Variants in TTC4 observed in about 807,000 individuals in gnomAD.
TTC4 encodes the protein tetratricopeptide repeat domain 4.
Under a neutral mutation model 51.9 loss-of-function variants are expected in TTC4, and 36 were observed. The ratio of observed to expected loss-of-function variants is 0.69; its 90% CI spans 0.53 to 0.92. The LOEUF (loss-of-function observed/expected upper bound fraction) is 0.92, where lower values mean the gene tolerates loss of function less well. TTC4 is among the 40% of genes least tolerant of loss of function. The pLI, the probability that TTC4 is intolerant of heterozygous loss-of-function variation, is 0.00. For missense variants in TTC4, 399 were observed against 454.6 expected, an observed-to-expected ratio of 0.88 and a Z score of 1.11; for synonymous variants, 144 against 164.2, an observed-to-expected ratio of 0.88 and a Z score of 0.94.
intron 3 of TTC4, among the ~76,000 whole-genome samples, chr1:54,720,893 C>T (rs1645736244): frequency 6.6e-6 from 1 of 152,064 alleles, no homozygotes; most frequent in African/African-American, 2.4e-5. Flanking sequence ...ATTTGTCTAA[C>T]TTTTAGCAAT....
In TTC4 at chr1:54,727,879, A is replaced by C. The variant is rs150495768; in HGVS notation, c.595-467A>C. Among the ~76,000 whole-genome samples, 375 of 152,342 alleles carry C rather than the reference A, an allele frequency of 2.5e-3. 1 individual carries two copies. The highest frequency in any genetic ancestry group is 8.8e-3 in the African/African-American group (365 of 41,570). ...AAAGACACACAAATGGCCAAAAAGC[A>C]CATGAAAAGATGTTCAACATCATTA... is the stretch of plus-strand genomic sequence containing the variant. On this transcript the variant is annotated intron_variant, in intron 5 of 9. Transcript: ENST00000371281.
chr1:54,720,363 T>C (rs1381628326), intron 3 of TTC4, among the ~76,000 whole-genome samples: 1 of 152,026 alleles, frequency 6.6e-6, no homozygotes, highest in East Asian at 1.9e-4. Flanking sequence ...GTAATAATTA[T>C]AGTATACTCC....
intron 3 of TTC4, among the ~76,000 whole-genome samples, chr1:54,720,162 A>G (rs1174591678): frequency 1.3e-5 from 2 of 152,116 alleles, no homozygotes; most frequent in Admixed American, 6.5e-5. Context: ...TCGGTCTCCC[A>G]TAGTGCTGGG....
Position 54,715,977 on chromosome 1 carries a change from C to T in TTC4, c.69C>T (p.Ser23=), listed in dbSNP as rs144220243. 828 of 1,603,004 alleles carry T rather than the reference C, an allele frequency of 5.2e-4. 26 individuals carry two copies. The East Asian group carries it at 7.1e-3, about 14-fold the overall frequency. ...VMDSFLEKFQ[S]QPYRGGFHED... ...ACTCGTTCCTGGAAAAGTTCCAGAGCCAGCCTTACCGTGGCGGCTTTCATG... is the reference window on the plus strand; with the variant it reads ...ACTCGTTCCTGGAAAAGTTCCAGAGTCAGCCTTACCGTGGCGGCTTTCATG... The change falls in exon 1 of 10, where the codon AGC becomes AGT. Residue 23 remains serine (S), a synonymous_variant. Coordinates refer to ENST00000371281, the MANE Select transcript of TTC4 (RefSeq NM_004623.5).
chr1:54,738,245 C>A (rs1002169926), intron 9 of TTC4, among the ~76,000 whole-genome samples: 15 of 152,118 alleles, frequency 9.9e-5, no homozygotes, highest in African/African-American at 2.7e-4. Context: ...GAGACTTAGT[C>A]GCTATCACGA....
chr1:54,725,163 C>T (rs1361709795), intron 5 of TTC4, among the ~76,000 whole-genome samples: 3 of 152,104 alleles, frequency 2.0e-5, no homozygotes, highest in Non-Finnish European at 2.9e-5. Context: ...TGGAAGACCC[C>T]GCTCACAGGG....
intron 7 of TTC4, among the ~76,000 whole-genome samples, chr1:54,733,151 C>G (rs1337207259): frequency 6.8e-6 from 1 of 147,808 alleles, no homozygotes; most frequent in Non-Finnish European, 1.5e-5. Context: ...GTGCAGGGCT[C>G]ACACCTGTAA....
chr1:54,733,486 T>G, intron 7 of TTC4, 143 bp from the exon 8 acceptor site: 1 of 452,862 alleles, frequency 2.2e-6, no homozygotes, highest in East Asian at 3.4e-5. Flanking sequence ...CATATACACA[T>G]TTGGGGTACT....
Position 54,731,704 on chromosome 1 carries a change from C to T in TTC4, c.896+4C>T. The T allele has an allele frequency of 1.2e-6, 2 of 1,613,056 alleles. No individual in the cohort carries two copies. Among genetic ancestry groups the T allele is most frequent in the African/African-American group, 1.3e-5 (1 of 75,014 alleles). On this transcript the variant is annotated splice_donor_region_variant and intron_variant, in intron 7 of 9. Coordinates refer to ENST00000371281, the MANE Select transcript of TTC4 (RefSeq NM_004623.5). ...CTGCTTTTCATGAGGACTCCAGGTACTGACTTGCCCAGGAGCCCTCTGCTT... is the reference window on the plus strand; with the variant it reads ...CTGCTTTTCATGAGGACTCCAGGTATTGACTTGCCCAGGAGCCCTCTGCTT...
chr1:54,719,341 G>T (rs1645715744), intron 3 of TTC4, among the ~76,000 whole-genome samples: 1 of 151,906 alleles, frequency 6.6e-6, no homozygotes, highest in African/African-American at 2.4e-5. Context: ...TAGCTTTTGT[G>T]CTTTCCCTCT....
At chr1:54,740,869 C>G (rs1646002356) in intron 9 of TTC4, among the ~76,000 whole-genome samples, 1 of 152,138 alleles carries the variant, frequency 6.6e-6, no homozygotes, top group Non-Finnish European at 1.5e-5. Flanking sequence ...CCCATCACCA[C>G]CCCTTCCCCA....
chr1:54,736,559 T>A (rs2101363304), intron 8 of TTC4: 1 of 152,142 alleles, frequency 6.6e-6, no homozygotes, highest in Admixed American at 6.5e-5. Context: ...TTAGTAGAGA[T>A]GAGGTTTCAC....
chr1:54,734,721 A>G (rs921958289), intron 8 of TTC4, among the ~76,000 whole-genome samples: 3 of 152,172 alleles, frequency 2.0e-5, no homozygotes, highest in Middle Eastern at 3.2e-3. Flanking sequence ...GCTGAATAAC[A>G]TTCCATTGTT....
chr1:54,736,553 TAG>T (rs1172176519), intron 8 of TTC4: 1 of 152,156 alleles, frequency 6.6e-6, no homozygotes, highest in African/African-American at 2.4e-5. Context: ...GTATTTTTAG[TAG>T]AGATGAGGTT....
chr1:54,724,523 T>C (rs542169715), intron 5 of TTC4, among the ~76,000 whole-genome samples: 35 of 152,276 alleles, frequency 2.3e-4, no homozygotes, highest in Middle Eastern at 6.8e-3. Flanking sequence ...TCCTCCTGCC[T>C]TAGCCTTCCA....
At chr1:54,730,647 G>A (rs1645854013) in intron 6 of TTC4, among the ~76,000 whole-genome samples, 1 of 152,016 alleles carries the variant, frequency 6.6e-6, no homozygotes, top group Non-Finnish European at 1.5e-5. Flanking sequence ...GCTAACCTTA[G>A]GCACCCCTGC....
At chr1:54,736,961 A>T (rs963649828) in intron 8 of TTC4, 3 of 151,834 alleles carry the variant, frequency 2.0e-5, no homozygotes, top group Admixed American at 6.6e-5. Context: ...GGGCCTGTAA[A>T]CTCCATATTA....
chr1:54,722,585 TG>T (rs1645755025), intron 4 of TTC4, 89 bp from the exon 5 acceptor site: 2 of 1,569,802 alleles, frequency 1.3e-6, no homozygotes, highest in Non-Finnish European at 1.7e-6. Flanking sequence ...GGGTACTGGC[TG>T]GTAGTTGGTG....
intron 5 of TTC4, among the ~76,000 whole-genome samples, chr1:54,726,779 A>G (rs1278171160): frequency 6.6e-6 from 1 of 152,116 alleles, no homozygotes; most frequent in African/African-American, 2.4e-5. Context: ...ATTCAGTGTA[A>G]TTTTCTTTTT....
Sources: gnomAD v4.1 joint callset for allele counts (sites outside exome capture counted in the v4.1 genomes callset) on GRCh38, gnomAD v4.1.1 for gene constraint, MANE v1.5 for transcripts, NCBI Gene and HGNC (gene_info 2026-07-23, HGNC 2026-07-21) for gene names.